NBEAL1: variants seen among roughly 807,000 people sequenced by gnomAD.
NBEAL1 encodes neurobeachin like 1.
Under a neutral mutation model 351.3 loss-of-function variants are expected in NBEAL1, and 273 were observed. That is an observed-to-expected ratio of 0.78 (90% confidence interval 0.70 to 0.86). The LOEUF is 0.86. NBEAL1 is among the 40% of genes least tolerant of loss of function. The pLI is 0.00. For missense variants in NBEAL1, 2,961 were observed against 3,201.3 expected (o/e 0.92, Z 1.81); for synonymous variants, 1,050 against 1,086.4 (o/e 0.97, Z 0.66).
chr2:203,048,187 T>C (rs1026803066), intron 3 of NBEAL1, among the ~76,000 whole-genome samples: 3 of 151,768 alleles, frequency 2.0e-5, no homozygotes, highest in Non-Finnish European at 4.4e-5. Context: ...ATTGAGACCA[T>C]CCTGGCCAAC....
At position 203,222,295 on chromosome 2, in the gene NBEAL1, A is replaced by G. The variant is rs1052374515; in HGVS notation, c.*4941A>G. On this transcript the variant is annotated 3_prime_UTR_variant, in exon 56 of 56. Transcript: ENST00000683969. ...GGAGTTTATAAATATACAGATATGT[A>G]GGCACTGCTTTGGACTTCATGAATC... 2.0e-5 allele frequency among the ~76,000 whole-genome samples: 3 copies of G among 152,226 alleles called. No individual in the cohort carries two copies. Among genetic ancestry groups the G allele is most frequent in the Non-Finnish European group, 4.4e-5 (3 of 68,038 alleles).
At position 203,135,929 on chromosome 2, in the gene NBEAL1, G is replaced by A. The variant is rs757377019; in HGVS notation, c.4066G>A (p.Asp1356Asn). 1 of 1,614,158 alleles carries A rather than the reference G, an allele frequency of 6.2e-7. No individual in the cohort carries two copies. The highest frequency in any genetic ancestry group is 1.7e-5 in the Admixed American group (1 of 60,024). Reference protein sequence around the residue: ...TSFASANVSSDQWSLEDRHSL... With the variant: ...TSFASANVSSNQWSLEDRHSL... ...TTTTGCCTCAGCTAATGTGTCTTCGGATCAGTGGAGTTTGGAGGATAGACA... is the reference window on the plus strand; with the variant it reads ...TTTTGCCTCAGCTAATGTGTCTTCGAATCAGTGGAGTTTGGAGGATAGACA... The change falls in exon 28 of 56, where the codon GAT (aspartate) becomes AAT (asparagine). Residue 1356 changes from aspartate to asparagine, a missense_variant. Coordinates refer to ENST00000683969, the MANE Select transcript of NBEAL1 (RefSeq NM_001378026.1).
Position 203,144,581 on chromosome 2 carries a change from C to G in NBEAL1, c.4849-19C>G, listed in dbSNP as rs372826108. The G allele has an allele frequency of 1.1e-4, 179 of 1,591,264 alleles. No homozygotes were observed. The highest frequency in any genetic ancestry group is 3.4e-4 in the Middle Eastern group (2 of 5,940). On this transcript the variant is annotated intron_variant, in intron 31 of 55. Transcript: ENST00000683969. Reference sequence around the variant, plus strand: ...TTTGCTTTAGTCTGCTCTTTCTCATCTAAACTGTTTTCCTCCAGGTTTGTG... The same window carrying G: ...TTTGCTTTAGTCTGCTCTTTCTCATGTAAACTGTTTTCCTCCAGGTTTGTG...
At chr2:203,185,880 G>A (rs1371235718) in intron 44 of NBEAL1, among the ~76,000 whole-genome samples, 1 of 152,188 alleles carries the variant, frequency 6.6e-6, no homozygotes, top group Non-Finnish European at 1.5e-5. Flanking sequence ...TTGAAGAGGA[G>A]GGAAACTGAG....
rs768264569 is a variant in NBEAL1, at chr2:203,126,696, G to C, written c.3125G>C (p.Gly1042Ala). 2 of 1,509,928 alleles carry C rather than the reference G, an allele frequency of 1.3e-6. No homozygotes were observed. Among genetic ancestry groups the C allele is most frequent in the Non-Finnish European group, 1.8e-6 (2 of 1,129,518 alleles). The allele number at this position is 1,509,928 out of a possible 1,614,324, so 93.5% of individuals were successfully genotyped here. A position where few individuals can be genotyped will look rare whatever the true frequency, so the allele number is the denominator to read the frequency against. The change falls in exon 22 of 56, where the codon GGA becomes GCA. Residue 1042 changes from glycine to alanine, a missense_variant. Transcript: ENST00000683969. ...LLFDFRIWNR[G>A]DFPFRIGHIQ... ...TTTGACTTTCGTATTTGGAACCGTG[G>C]AGATTTTCCCTTTCGAATCGGTGAG...
chr2:203,122,081 C>T (rs917215830), intron 18 of NBEAL1, among the ~76,000 whole-genome samples, 173 bp from the exon 19 acceptor site: 13 of 152,140 alleles, frequency 8.5e-5, no homozygotes, highest in African/African-American at 2.9e-4. Flanking sequence ...CCACCACGCC[C>T]GGCCCTGATT....
intron 35 of NBEAL1, among the ~76,000 whole-genome samples, chr2:203,152,275 T>C (rs1250431029): frequency 1.3e-5 from 2 of 151,698 alleles, no homozygotes; most frequent in African/African-American, 4.8e-5. Context: ...TTAGCAATCC[T>C]TTATGCCTTT....
intron 6 of NBEAL1, among the ~76,000 whole-genome samples, chr2:203,060,887 G>A (rs2061488972): frequency 6.6e-6 from 1 of 152,176 alleles, no homozygotes; most frequent in Non-Finnish European, 1.5e-5. Flanking sequence ...AGACCACTGT[G>A]CTTCCAATCC....
chr2:203,121,268 A>G (rs1240252523), intron 18 of NBEAL1, among the ~76,000 whole-genome samples: 1 of 152,068 alleles, frequency 6.6e-6, no homozygotes, highest in Non-Finnish European at 1.5e-5. Context: ...AATTGTGCCT[A>G]GGGAAGTGCT....
rs1224985317 is a variant in NBEAL1 at position 203,083,337 on chromosome 2, C to G, written c.803C>G (p.Thr268Ser). 1.0e-5 allele frequency: 16 copies of G among 1,554,074 alleles called. No homozygotes were observed. The highest frequency in any genetic ancestry group is 1.4e-5 in the Non-Finnish European group (16 of 1,147,624). ...GAAGTGGGTAGGAAGGCAGAACTAA[C>G]TCTGAAGTGCCTTACAGAAGTGGTA... ...PEEVGRKAELTLKCLTEVVHI... is the reference protein window; with the variant it reads ...PEEVGRKAELSLKCLTEVVHI... Residue 268 changes from threonine (T) to serine (S), a missense_variant, in exon 9 of 56, where the codon ACT becomes AGT. Coordinates refer to ENST00000683969, the MANE Select transcript of NBEAL1 (RefSeq NM_001378026.1).
chr2:203,023,628 C>T (rs553831974), intron 2 of NBEAL1, among the ~76,000 whole-genome samples: 87 of 142,314 alleles, frequency 6.1e-4, no homozygotes, highest in African/African-American at 1.9e-3. Context: ...CTGTTTGTTT[C>T]GGACAAAAAA....
rs754788202 is a variant in NBEAL1, at chr2:203,180,412, T to G, written c.6495T>G (p.Ser2165=). 2 of 1,612,478 alleles carry G rather than the reference T, an allele frequency of 1.2e-6. No individual in the cohort carries two copies. The highest frequency in any genetic ancestry group is 2.2e-5 in the South Asian group (2 of 90,744). The change falls in exon 43 of 56, where the codon TCT becomes TCG. Residue 2165 remains serine, a synonymous_variant. Coordinates refer to ENST00000683969, the MANE Select transcript of NBEAL1 (RefSeq NM_001378026.1). The part of the protein sequence containing the change: ...RFDCADRQFH[S]IPATWQALMD... ...ACTGTGCAGATCGACAGTTCCATTC[T>G]ATTCCTGCTACCTGGCAAGCTCTTA...
intron 2 of NBEAL1, among the ~76,000 whole-genome samples, chr2:203,031,142 T>G (rs1211939009): frequency 6.6e-6 from 1 of 152,270 alleles, no homozygotes; most frequent in Non-Finnish European, 1.5e-5. Flanking sequence ...CTCATTGTTT[T>G]GAAATTTCTC....
intron 26 of NBEAL1, 21 bp downstream of exon 26, chr2:203,132,153 G>T: frequency 2.2e-6 from 3 of 1,346,172 alleles, no homozygotes; most frequent in East Asian, 2.7e-5. Context: ...GGCTAATAAA[G>T]CTAACATATT....
rs2062586498 is a variant in NBEAL1 at position 203,112,096 on chromosome 2, G to T, written c.2200G>T (p.Glu734Ter). The change falls in exon 16 of 56, where the codon GAA (glutamate) becomes TAA (stop). Residue 734 changes from glutamate (E) to a stop codon, truncating the protein, a stop_gained and splice_region_variant. Coordinates refer to ENST00000683969, the MANE Select transcript of NBEAL1 (RefSeq NM_001378026.1). LOFTEE classifies it high-confidence loss of function. ...SAPLRFPAMN[E>*]PFTSCCIGSA... is the part of the protein sequence containing the mutation. ...CCCTCTCAGATTTCCTGCCATGAAT[G>T]AAGTAAGTATATCCAACCTACTCTT... The T allele has an allele frequency of 1.9e-6, 3 of 1,551,430 alleles. No homozygotes were observed. The East Asian group carries it at 7.3e-5, about 38-fold the overall frequency.
intron 50 of NBEAL1, among the ~76,000 whole-genome samples, chr2:203,202,266 T>C (rs1034393237): frequency 1.3e-5 from 2 of 152,214 alleles, no homozygotes; most frequent in African/African-American, 4.8e-5. Flanking sequence ...TATATTTGTA[T>C]TGTGAATTTA....
intron 19 of NBEAL1, among the ~76,000 whole-genome samples, chr2:203,123,924 T>G (rs1474959147): frequency 6.6e-6 from 1 of 151,898 alleles, no homozygotes; most frequent in Admixed American, 6.6e-5. Flanking sequence ...TGTAGCCAAA[T>G]CAAAGACCAA....
chr2:203,198,832 G>T (rs2065310374), intron 48 of NBEAL1, among the ~76,000 whole-genome samples: 2 of 151,374 alleles, frequency 1.3e-5, no homozygotes, highest in South Asian at 4.2e-4. Context: ...ACTCCAGCCT[G>T]GGTGACAGAG....
At chr2:203,151,686 T>C (rs1403012938) in intron 35 of NBEAL1, 97 bp downstream of exon 35, 1 of 1,181,714 alleles carries the variant, frequency 8.5e-7, no homozygotes. Flanking sequence ...TGTTTACTTA[T>C]GAAGGAAGGG....
Sources: gnomAD v4.1 joint callset for allele counts (sites outside exome capture counted in the v4.1 genomes callset) on GRCh38, gnomAD v4.1.1 for gene constraint, MANE v1.5 for transcripts, NCBI Gene and HGNC (gene_info 2026-07-23, HGNC 2026-07-21) for gene names.